Variants in FAM53A observed in about 807,000 individuals in gnomAD.
FAM53A encodes the protein protein FAM53A.
Under a neutral mutation model 26.6 loss-of-function variants are expected in FAM53A, and 28 were observed. That is an observed-to-expected ratio of 1.05 (90% CI 0.78 to 1.45). The LOEUF (loss-of-function observed/expected upper bound fraction) is 1.45. Ranked by LOEUF, FAM53A falls within the 40% of genes most tolerant of loss-of-function variation. FAM53A has a pLI of 0.00. For missense variants in FAM53A, 650 were observed against 575.8 expected, an observed-to-expected ratio of 1.13 and a Z score of -1.32; for synonymous variants, 290 against 253.1, an observed-to-expected ratio of 1.15 and a Z score of -1.38.
At position 1,668,839 on chromosome 4, in the gene FAM53A, C is replaced by G. The variant is rs1278624040; in HGVS notation, c.-98G>C. The G allele has an allele frequency of 8.9e-7, 1 of 1,125,990 alleles. No individual in the cohort carries two copies. Among genetic ancestry groups the G allele is most frequent in the East Asian group, 2.4e-5 (1 of 41,576 alleles). 69.7% of individuals were successfully genotyped at this position (1,125,990 alleles called of 1,614,324 possible). On this transcript the variant is annotated 5_prime_UTR_variant, in exon 2 of 5. Coordinates refer to ENST00000308132, the MANE Select transcript of FAM53A (RefSeq NM_001174070.3). ...CAGCATTGCTGGGTCAGCCAAATCT[C>G]AAGGTCATGTCTCCACTTTCTTTAC...
At chr4:1,678,655 C>T (rs1012894001) in intron 1 of FAM53A, among the ~76,000 whole-genome samples, 7 of 152,134 alleles carry the variant, frequency 4.6e-5, no homozygotes, top group African/African-American at 1.7e-4. Flanking sequence ...AACCCCACCT[C>T]TACTAAAACT....
chr4:1,611,145 C>A, the FAM53A span, among the ~76,000 whole-genome samples: 2 of 152,218 alleles, frequency 1.3e-5, no homozygotes. Context: ...TGACCCAGCC[C>A]GGCTCACAGG....
the FAM53A span, among the ~76,000 whole-genome samples, chr4:1,577,872 C>T: frequency 6.6e-6 from 1 of 151,840 alleles, no homozygotes; most frequent in Non-Finnish European, 1.5e-5. Flanking sequence ...CAAACACAGG[C>T]TCTGCCGGGA....
downstream of FAM53A, among the ~76,000 whole-genome samples, chr4:1,617,670 G>A (rs930313800): frequency 2.6e-5 from 4 of 152,062 alleles, no homozygotes; most frequent in Non-Finnish European, 4.4e-5. Context: ...TTTCTGTTCC[G>A]AGACCTGCCT....
chr4:1,634,619 C>T (rs971112724), intron 1 of FAM53A, among the ~76,000 whole-genome samples: 2 of 152,112 alleles, frequency 1.3e-5, no homozygotes, highest in Admixed American at 1.3e-4. Context: ...ATCTGGGGGC[C>T]AGGCATGGTG....
chr4:1,684,854 G>A (rs539806342), upstream of FAM53A, among the ~76,000 whole-genome samples: 2 of 152,250 alleles, frequency 1.3e-5, no homozygotes, highest in Non-Finnish European at 2.9e-5. Flanking sequence ...GCCGAGGGCG[G>A]ACCGTGCTGC....
chr4:1,643,321 C>A (rs539736799), intron 4 of FAM53A, among the ~76,000 whole-genome samples: 38 of 151,976 alleles, frequency 2.5e-4, no homozygotes, highest in African/African-American at 8.9e-4. Flanking sequence ...AAAAAATTAA[C>A]CAGGCGTGGT....
rs368750226 is a variant in FAM53A at position 1,644,401 on chromosome 4, A to G, written c.883-2794T>C. The G allele has an allele frequency of 4.3e-5, 66 of 1,518,542 alleles. No homozygotes were observed. The East Asian group carries it at 1.5e-3, about 35-fold the overall frequency. 94.1% of individuals were successfully genotyped at this position (1,518,542 alleles called of 1,614,324 possible). A position where few individuals can be genotyped will look rare whatever the true frequency, so the allele number is the denominator to read the frequency against. ...CTGGACGACACAGTCGGTGCAGGAGAAAAAACTTCTGCCCACAGACACGGC... is the reference window on the plus strand; with the variant it reads ...CTGGACGACACAGTCGGTGCAGGAGGAAAAACTTCTGCCCACAGACACGGC... On this transcript the variant is annotated intron_variant, in intron 4 of 4. Coordinates refer to ENST00000308132, the MANE Select transcript of FAM53A (RefSeq NM_001174070.3).
the FAM53A span, among the ~76,000 whole-genome samples, chr4:1,577,920 T>TGA: frequency 1.2e-5 from 1 of 81,742 alleles, no homozygotes; most frequent in Non-Finnish European, 2.6e-5. Context: ...GGGCTGCAGG[T>TGA]GAGGGGCTGC....
chr4:1,597,136 G>C, the FAM53A span, among the ~76,000 whole-genome samples: 1 of 152,096 alleles, frequency 6.6e-6, no homozygotes, highest in Non-Finnish European at 1.5e-5. Context: ...ACAGGCCTGG[G>C]CTCCCCAGAC....
At chr4:1,648,205 T>G (rs898043663) in intron 4 of FAM53A, among the ~76,000 whole-genome samples, 1 of 152,180 alleles carries the variant, frequency 6.6e-6, no homozygotes, top group African/African-American at 2.4e-5. Flanking sequence ...AGAGAGACCC[T>G]GTCTCCAAAA....
chr4:1,631,825 A>G (rs1010574315), intron 1 of FAM53A, among the ~76,000 whole-genome samples: 1 of 152,228 alleles, frequency 6.6e-6, no homozygotes, highest in Non-Finnish European at 1.5e-5. Context: ...CACATGATAT[A>G]CAAGGAAACA....
At position 1,684,281 on chromosome 4, in the gene FAM53A, G is replaced by A. The variant is rs1715658805; in HGVS notation, c.-213C>T. On this transcript the variant is annotated 5_prime_UTR_variant, in exon 1 of 5. Transcript: ENST00000308132. ...GAGCGAGAAGACTGCCGGCCGCCCA[G>A]GCCCCGCTCGCTCAGGGCGACGCGC... 1 of 151,022 alleles carries A rather than the reference G, an allele frequency of 6.6e-6. No individual in the cohort carries two copies. Among genetic ancestry groups the A allele is most frequent in the Admixed American group, 6.6e-5 (1 of 15,110 alleles). The allele number at this position is 151,022 out of a possible 1,614,324, so 9.4% of individuals were successfully genotyped here. A position where few individuals can be genotyped will look rare whatever the true frequency, so the allele number is the denominator to read the frequency against.
At chr4:1,653,961 A>G (rs1490704168) in intron 4 of FAM53A, among the ~76,000 whole-genome samples, 2 of 152,170 alleles carry the variant, frequency 1.3e-5, no homozygotes, top group African/African-American at 4.8e-5. Flanking sequence ...GTGCAGCCAC[A>G]CTATGGACAG....
the FAM53A span, among the ~76,000 whole-genome samples, chr4:1,608,493 G>A: frequency 5.2e-3 from 785 of 152,354 alleles, no homozygotes; most frequent in Non-Finnish European, 8.9e-3. Context: ...CTTGCTCTCT[G>A]TTGTCCCAGG....
chr4:1,638,403 G>A (rs1715942718), downstream of FAM53A, among the ~76,000 whole-genome samples: 6 of 152,060 alleles, frequency 3.9e-5, no homozygotes, highest in Admixed American at 3.3e-4. Context: ...CAGAAGAACC[G>A]GCTGCACTGC....
intron 1 of FAM53A, among the ~76,000 whole-genome samples, chr4:1,682,775 A>G (rs1422402217): frequency 6.6e-6 from 1 of 152,042 alleles, no homozygotes; most frequent in African/African-American, 2.4e-5. Context: ...CTATAACTAG[A>G]AATGCATGCA....
chr4:1,668,345 G>A (rs564837468), intron 2 of FAM53A, among the ~76,000 whole-genome samples: 24 of 152,140 alleles, frequency 1.6e-4, no homozygotes, highest in Non-Finnish European at 2.9e-4. Context: ...TCAACATGTT[G>A]GCCAGGCTGG....
chr4:1,631,025 T>G (rs1411366079), intron 1 of FAM53A, among the ~76,000 whole-genome samples: 1 of 152,176 alleles, frequency 6.6e-6, no homozygotes, highest in Admixed American at 6.5e-5. Flanking sequence ...TCTTGGTGAC[T>G]GGGGGAGACC....
Sources: gnomAD v4.1 joint callset for allele counts (sites outside exome capture counted in the v4.1 genomes callset) on GRCh38, gnomAD v4.1.1 for gene constraint, MANE v1.5 for transcripts, NCBI Gene and HGNC (gene_info 2026-07-23, HGNC 2026-07-21) for gene names.